Variants in PTPRN2 observed in about 807,000 individuals in gnomAD.
The protein encoded by PTPRN2 is protein tyrosine phosphatase receptor type N2.
Under a neutral mutation model 118.8 loss-of-function variants are expected in PTPRN2, and 74 were observed. The ratio of observed to expected loss-of-function variants is 0.62; its 90% confidence interval spans 0.52 to 0.76. The LOEUF (loss-of-function observed/expected upper bound fraction) is 0.76. Among genes scored for constraint, PTPRN2 ranks in the 30% least tolerant of loss-of-function variants. The pLI is 0.00. For missense variants in PTPRN2, 1,481 were observed against 1,394.4 expected (o/e 1.06, Z -0.99); for synonymous variants, 641 against 608.0 (o/e 1.05, Z -0.80).
intron 3 of PTPRN2, among the ~76,000 whole-genome samples, chr7:158,292,299 G>A (rs1800175110): frequency 6.6e-6 from 1 of 152,188 alleles, no homozygotes; most frequent in South Asian, 2.1e-4. Context: ...ATGTTCAAAA[G>A]CAGATGGAGC....
intron 1 of PTPRN2, among the ~76,000 whole-genome samples, chr7:158,500,616 C>T (rs1417741794): frequency 6.6e-6 from 1 of 152,232 alleles, no homozygotes; most frequent in East Asian, 1.9e-4. Context: ...TTCCAAAGGG[C>T]CACGCTGGCT....
chr7:157,762,495 C>T (rs1336054890), intron 12 of PTPRN2, among the ~76,000 whole-genome samples: 1 of 149,678 alleles, frequency 6.7e-6, no homozygotes, highest in Admixed American at 6.7e-5. Flanking sequence ...ATCGCAAAAA[C>T]AAAAAACCGA....
intron 6 of PTPRN2, among the ~76,000 whole-genome samples, chr7:158,150,477 G>C (rs1386694063): frequency 5.3e-5 from 8 of 152,184 alleles, no homozygotes; most frequent in Non-Finnish European, 1.2e-4. Flanking sequence ...GGATGTTCCT[G>C]TGTCCCCTGC....
At chr7:158,147,661 T>A (rs796347715) in intron 6 of PTPRN2, among the ~76,000 whole-genome samples, 4 of 42,542 alleles carry the variant, frequency 9.4e-5, no homozygotes, top group African/African-American at 4.3e-4. Flanking sequence ...TCATGCCACG[T>A]GTCTTTCCCC....
At chr7:157,673,807 T>G (rs1563331355) in intron 13 of PTPRN2, among the ~76,000 whole-genome samples, 1 of 151,894 alleles carries the variant, frequency 6.6e-6, no homozygotes, top group Non-Finnish European at 1.5e-5. Flanking sequence ...CCGCGTTCTC[T>G]GAGCCCCATG....
intron 12 of PTPRN2, among the ~76,000 whole-genome samples, chr7:157,799,561 C>T (rs1002077006): frequency 6.6e-6 from 1 of 152,090 alleles, no homozygotes; most frequent in Admixed American, 6.5e-5. Context: ...TCATCTGACT[C>T]GCACACTGCC....
At chr7:158,285,993 C>A (rs1799744915) in intron 3 of PTPRN2, among the ~76,000 whole-genome samples, 1 of 152,184 alleles carries the variant, frequency 6.6e-6, no homozygotes, top group African/African-American at 2.4e-5. Context: ...GATTAACAAG[C>A]AGCAGGGCAG....
chr7:158,411,698 A>T (rs1814105656), intron 2 of PTPRN2, among the ~76,000 whole-genome samples: 1 of 152,226 alleles, frequency 6.6e-6, no homozygotes, highest in Non-Finnish European at 1.5e-5. Context: ...TGGAGGTGGA[A>T]GGCGCCGCCC....
rs544842325 is a variant in PTPRN2 at position 157,840,252 on chromosome 7, C to A, written c.1788+58421G>T. On this transcript the variant is annotated intron_variant, in intron 12 of 22. Transcript: ENST00000389418. ...GTGTGACTGTGTGTGACTGTGTAAC[C>A]GCGTGTGACTGTGTGGCCGCGTGTG... Among the ~76,000 whole-genome samples, 446 of 122,706 alleles carry A rather than the reference C, an allele frequency of 3.6e-3. 3 individuals carry two copies. Among genetic ancestry groups the A allele is most frequent in the African/African-American group, 0.013 (415 of 31,132 alleles). The allele number at this position is 122,706 out of a possible 152,430, so 80.5% of individuals were successfully genotyped here.
chr7:158,277,270 C>T (rs993429641), intron 3 of PTPRN2, among the ~76,000 whole-genome samples: 1 of 152,224 alleles, frequency 6.6e-6, no homozygotes, highest in Non-Finnish European at 1.5e-5. Flanking sequence ...CTCCAGCCTC[C>T]TCGGGGTCCT....
At chr7:158,298,522 G>A (rs941826347) in intron 3 of PTPRN2, among the ~76,000 whole-genome samples, 13 of 152,210 alleles carry the variant, frequency 8.5e-5, no homozygotes, top group African/African-American at 2.4e-4. Flanking sequence ...TGAAGGTAAT[G>A]TTATGTAATT....
At chr7:158,342,710 C>G (rs1807138695) in intron 2 of PTPRN2, among the ~76,000 whole-genome samples, 2 of 152,192 alleles carry the variant, frequency 1.3e-5, no homozygotes, top group Admixed American at 1.3e-4. Flanking sequence ...TATTCAGAAA[C>G]TAGAGCCCAG....
rs921502639 is a variant in PTPRN2 at position 157,560,285 on chromosome 7, G to A, written c.2902+8617C>T. Among the ~76,000 whole-genome samples the A allele has an allele frequency of 1.4e-4, 21 of 152,230 alleles. No homozygotes were observed. Among genetic ancestry groups the A allele is most frequent in the African/African-American group, 1.2e-4 (5 of 41,548 alleles). ...GTGAGCTGGTACACTCAGTGAGGAC[G>A]GCTCCATGCACAGGGACGAAGACCC... On this transcript the variant is annotated intron_variant, in intron 21 of 22. Transcript: ENST00000389418. The surrounding 1 kb of genome is among the most constrained non-coding windows in gnomAD (Gnocchi z 6.7).
At chr7:158,446,951 T>C (rs912629200) in intron 2 of PTPRN2, among the ~76,000 whole-genome samples, 1 of 152,090 alleles carries the variant, frequency 6.6e-6, no homozygotes, top group East Asian at 1.9e-4. Flanking sequence ...TCGAGGGTCA[T>C]CACAATATGA....
At position 157,598,614 on chromosome 7, in the gene PTPRN2, G is replaced by C. The variant is rs1344154200; in HGVS notation, c.2419-3299C>G. Among the ~76,000 whole-genome samples, 1 of 152,234 alleles carries C rather than the reference G, an allele frequency of 6.6e-6. No homozygotes were observed. The highest frequency in any genetic ancestry group is 1.9e-4 in the East Asian group (1 of 5,200). ...TCTGGATTCCAGTGCACGTGCATGT[G>C]CAGACTCGTCTGTGTGTATGTGTGT... On this transcript the variant is annotated intron_variant, in intron 16 of 22. Transcript: ENST00000389418. This position sits in a 1 kb window ranked among gnomAD's most constrained non-coding sequence, Gnocchi z 5.2.
intron 12 of PTPRN2, among the ~76,000 whole-genome samples, chr7:157,689,654 G>A (rs1797374028): frequency 6.6e-6 from 1 of 152,252 alleles, no homozygotes. Context: ...ACGAAGGAAG[G>A]AAATGAAGTC....
chr7:158,271,339 G>A (rs375029933), intron 3 of PTPRN2, among the ~76,000 whole-genome samples: 17 of 152,278 alleles, frequency 1.1e-4, no homozygotes, highest in South Asian at 2.1e-4. Context: ...CTGAATATCC[G>A]ACAATCGGCA....
At chr7:158,149,809 A>C (rs1820762934) in intron 6 of PTPRN2, among the ~76,000 whole-genome samples, 1 of 152,094 alleles carries the variant, frequency 6.6e-6, no homozygotes, top group South Asian at 2.1e-4. Context: ...ATCTCAAAAA[A>C]AAAAAAAAGA....
At chr7:158,199,820 G>T (rs759245896) in intron 4 of PTPRN2, among the ~76,000 whole-genome samples, 1 of 152,124 alleles carries the variant, frequency 6.6e-6, no homozygotes, top group Non-Finnish European at 1.5e-5. Context: ...GGCACTAGGG[G>T]AGCCTGGTTA....
Sources: gnomAD v4.1 joint callset for allele counts (sites outside exome capture counted in the v4.1 genomes callset) on GRCh38, gnomAD v4.1.1 for gene constraint, Gnocchi (gnomAD v3.1) non-coding constraint, MANE v1.5 for transcripts, NCBI Gene and HGNC (gene_info 2026-07-23, HGNC 2026-07-21) for gene names.